The following ROBO1 variants were observed in gnomAD, a reference collection of about 807,000 sequenced individuals.
ROBO1 encodes roundabout homolog 1.
A neutral mutation model predicts 195.9 loss-of-function variants in ROBO1; 149 were observed. The ratio of observed to expected loss-of-function variants is 0.76; its 90% CI spans 0.67 to 0.87. ROBO1 has a LOEUF of 0.87. Ranked by LOEUF, ROBO1 falls within the 40% of genes least tolerant of loss-of-function variation. The pLI is 0.00. For missense variants in ROBO1, 1,933 were observed against 2,068.3 expected, an observed-to-expected ratio of 0.93 and a Z score of 1.27; for synonymous variants, 816 against 733.2, an observed-to-expected ratio of 1.11 and a Z score of -1.82.
At position 78,944,689 on chromosome 3, in the gene ROBO1, G is replaced by A. The variant is rs368677152; in HGVS notation, c.173-5762C>T. On this transcript the variant is annotated intron_variant, in intron 3 of 30. Coordinates refer to ENST00000464233, the MANE Select transcript of ROBO1 (RefSeq NM_002941.4). ...TGCAGGACAGTGGGTGCAGCGCACC[G>A]TGTGCGAGTCAAACCAGAGAGAGGC... Among the ~76,000 whole-genome samples the A allele has an allele frequency of 1.1e-3, 175 of 152,352 alleles. 4 individuals carry two copies. Among genetic ancestry groups the A allele is most frequent in the Admixed American group, 3.1e-3 (47 of 15,306 alleles).
At chr3:78,877,194 A>G (rs1202884157) in intron 4 of ROBO1, among the ~76,000 whole-genome samples, 1 of 152,208 alleles carries the variant, frequency 6.6e-6, no homozygotes, top group Non-Finnish European at 1.5e-5. Context: ...AATTTGGGAC[A>G]TACATATAAT....
chr3:78,984,410 C>A (rs533000881), intron 3 of ROBO1, among the ~76,000 whole-genome samples: 1 of 152,178 alleles, frequency 6.6e-6, no homozygotes, highest in South Asian at 2.1e-4. Context: ...GGGAGAGAAG[C>A]CAGCTAAGAG....
At chr3:79,682,797 AAAT>A (rs1400860376) in intron 1 of ROBO1, among the ~76,000 whole-genome samples, 2 of 151,988 alleles carry the variant, frequency 1.3e-5, no homozygotes, top group African/African-American at 4.8e-5. Flanking sequence ...TTTAGGTATT[AAAT>A]AATATTGAGG....
At chr3:79,234,166 T>C (rs1053557059) in intron 2 of ROBO1, among the ~76,000 whole-genome samples, 4 of 152,108 alleles carry the variant, frequency 2.6e-5, no homozygotes, top group Non-Finnish European at 5.9e-5. Context: ...GTTTGTTTTG[T>C]TGTGCAGAAG....
chr3:78,887,698 G>A (rs938702665), intron 4 of ROBO1, among the ~76,000 whole-genome samples: 7 of 152,136 alleles, frequency 4.6e-5, no homozygotes, highest in Admixed American at 6.6e-5. Flanking sequence ...ATCTACTAAC[G>A]AAGGGGTGTT....
intron 4 of ROBO1, among the ~76,000 whole-genome samples, chr3:78,914,532 A>G (rs957298406): frequency 6.6e-6 from 1 of 152,000 alleles, no homozygotes; most frequent in African/African-American, 2.4e-5. Context: ...AATGGCTCCA[A>G]GTATTTCCCT....
chr3:79,268,794 T>C (rs922594090), intron 2 of ROBO1, among the ~76,000 whole-genome samples: 3 of 151,732 alleles, frequency 2.0e-5, no homozygotes, highest in African/African-American at 7.2e-5. Flanking sequence ...CAGGAGGATT[T>C]GGATTGACAT....
intron 22 of ROBO1, among the ~76,000 whole-genome samples, chr3:78,638,309 ATG>A (rs1404762894): frequency 1.4e-5 from 2 of 147,964 alleles, no homozygotes; most frequent in East Asian, 2.0e-4. Flanking sequence ...ACATACATAT[ATG>A]TGTGTATATA....
chr3:79,767,177 G>C (rs1705043855), intron 1 of ROBO1, among the ~76,000 whole-genome samples: 1 of 152,160 alleles, frequency 6.6e-6, no homozygotes, highest in Admixed American at 6.5e-5. Context: ...CATTCCTGGA[G>C]AATGCTTTCA....
At chr3:79,212,477 G>A (rs1264960577) in intron 2 of ROBO1, among the ~76,000 whole-genome samples, 1 of 152,108 alleles carries the variant, frequency 6.6e-6, no homozygotes, top group Non-Finnish European at 1.5e-5. Context: ...AAATCAAACC[G>A]ACTGTCTTTT....
intron 4 of ROBO1, among the ~76,000 whole-genome samples, chr3:78,916,557 G>GA (rs969858186): frequency 0.085 from 6,333 of 74,144 alleles, 361 homozygotes; most frequent in African/African-American, 0.21. Flanking sequence ...GTCTCAAAAA[G>GA]AAAAAAAAAA....
intron 18 of ROBO1, among the ~76,000 whole-genome samples, chr3:78,652,593 C>G (rs1460266963): frequency 6.6e-6 from 1 of 151,974 alleles, no homozygotes; most frequent in African/African-American, 2.4e-5. Context: ...ATGAAATATT[C>G]AGATAATGTT....
chr3:78,892,126 G>A (rs1050520396), intron 4 of ROBO1, among the ~76,000 whole-genome samples: 1 of 152,216 alleles, frequency 6.6e-6, no homozygotes, highest in Non-Finnish European at 1.5e-5. Context: ...TTGAGAGGCT[G>A]AGGCAGGCAG....
At chr3:79,687,640 C>G (rs953888607) in intron 1 of ROBO1, among the ~76,000 whole-genome samples, 7 of 152,132 alleles carry the variant, frequency 4.6e-5, no homozygotes, top group African/African-American at 1.7e-4. Context: ...CACTGGCCAT[C>G]AAAGAAATGC....
At chr3:79,043,839 C>T (rs1420302763) in intron 3 of ROBO1, among the ~76,000 whole-genome samples, 1 of 152,064 alleles carries the variant, frequency 6.6e-6, no homozygotes, top group East Asian at 1.9e-4. Context: ...GCAAGATTTG[C>T]TCTCTATGTC....
chr3:79,021,705 G>T lies in ROBO1; in HGVS notation c.173-82778C>A, dbSNP rs2078106357. ...AGACGGAGTCTGTCTTTGTCGCCCA[G>T]GCTGGAGTGCAGTGGCGCGATCTCG... On this transcript the variant is annotated intron_variant, in intron 3 of 30. Transcript: ENST00000464233. Among the ~76,000 whole-genome samples, 3 of 135,680 alleles carry T rather than the reference G, an allele frequency of 2.2e-5. No homozygotes were observed. In the South Asian group the frequency reaches 6.8e-4, roughly 31 times the overall value. 89.0% of individuals were successfully genotyped at this position (135,680 alleles called of 152,430 possible).
chr3:78,717,895 AG>A lies in ROBO1; in HGVS notation c.658-13del. 1 of 1,612,210 alleles carries A rather than the reference AG, an allele frequency of 6.2e-7. No homozygotes were observed. The highest frequency in any genetic ancestry group is 8.5e-7 in the Non-Finnish European group (1 of 1,178,902). ...TTTCCTCCTCGTATCTTAAAAAAAA[AG>A]TTTCACAGGAATACTATTAAAATTG... On this transcript the variant is annotated splice_polypyrimidine_tract_variant and intron_variant, in intron 5 of 30. Coordinates refer to ENST00000464233, the MANE Select transcript of ROBO1 (RefSeq NM_002941.4).
intron 8 of ROBO1, among the ~76,000 whole-genome samples, chr3:78,711,398 C>CCTTCCTTCCTTCCTTCCTTT (rs2081724186): frequency 1.0e-4 from 4 of 39,954 alleles, no homozygotes; most frequent in African/African-American, 2.1e-4. Flanking sequence ...TTCCTTCCTT[C>CCTTCCTTCCTTCCTTCCTTT]CTTTCTTTCT....
At chr3:79,590,244 G>A (rs971664470) in intron 1 of ROBO1, among the ~76,000 whole-genome samples, 1 of 151,664 alleles carries the variant, frequency 6.6e-6, no homozygotes, top group Non-Finnish European at 1.5e-5. Context: ...CCAGATAAGT[G>A]ATTTTTGCTT....
Sources: allele counts gnomAD v4.1 joint callset (sites outside exome capture counted in the v4.1 genomes callset), GRCh38; gene constraint gnomAD v4.1.1; transcripts MANE v1.5; gene names NCBI Gene and HGNC (gene_info 2026-07-23, HGNC 2026-07-21).